ZBTB37: variants seen among roughly 807,000 people sequenced by gnomAD.
The protein encoded by ZBTB37 is zinc finger and BTB domain containing 37.
ZBTB37 carries 15 observed loss-of-function variants against 37.7 expected under a neutral mutation model. The ratio of observed to expected loss-of-function variants is 0.40; its 90% confidence interval spans 0.27 to 0.61. The LOEUF is 0.61. Among genes scored for constraint, ZBTB37 ranks in the 20% least tolerant of loss-of-function variants. ZBTB37 has a pLI of 0.44. For synonymous variants in ZBTB37, 231 were observed against 220.6 expected (o/e 1.05, Z -0.42); for missense variants, 514 against 641.9 (o/e 0.80, Z 2.15).
downstream of ZBTB37, chr1:173,889,763 T>A (rs1656771148): frequency 6.6e-6 from 1 of 152,238 alleles, no homozygotes; most frequent in Admixed American, 6.5e-5. Flanking sequence ...CATGCCATTT[T>A]TATTATAATA....
At chr1:173,873,533 G>A in exon 4 of ZBTB37, 1 of 1,614,046 alleles carries the variant, frequency 6.2e-7, no homozygotes, top group South Asian at 1.1e-5. Flanking sequence ...AGTCTCCTGG[G>A]AGAATGGATG....
At chr1:173,871,127 C>T in exon 3 of ZBTB37, 1 of 1,606,694 alleles carries the variant, frequency 6.2e-7, no homozygotes, top group East Asian at 2.2e-5. Context: ...GTGGCTCGGC[C>T]AACAAGCAGT....
intron 4 of ZBTB37, among the ~76,000 whole-genome samples, chr1:173,881,635 A>G (rs539526051): frequency 0.011 from 1,616 of 152,258 alleles, 39 homozygotes; most frequent in African/African-American, 0.037. Flanking sequence ...TGACTTTTCA[A>G]TGATCGCCAT....
intron 4 of ZBTB37, among the ~76,000 whole-genome samples, chr1:173,875,116 ATGTGTGTG>A (rs71111072): frequency 0.12 from 16,695 of 137,026 alleles, 1,098 homozygotes; most frequent in East Asian, 0.27. Flanking sequence ...TCTGATTATT[ATGTGTGTG>A]TGTGTGTGTG....
intron 4 of ZBTB37, 103 bp from the exon 5 acceptor site, chr1:173,885,533 G>C: frequency 1.0e-6 from 1 of 978,748 alleles, no homozygotes; most frequent in Non-Finnish European, 1.5e-6. Context: ...CCACTAAAAA[G>C]GTACATATAT....
chr1:173,868,384 C>A (rs1655150879), exon 1 of ZBTB37: 1 of 153,284 alleles, frequency 6.5e-6, no homozygotes, highest in African/African-American at 2.4e-5. Context: ...CGGCCCATTC[C>A]GGCCCATTTC....
chr1:173,871,725 C>A (rs1655577920), intron 3 of ZBTB37, among the ~76,000 whole-genome samples: 1 of 152,162 alleles, frequency 6.6e-6, no homozygotes, highest in African/African-American at 2.4e-5. Flanking sequence ...TGTTTTCTTT[C>A]ATGGATGACT....
intron 4 of ZBTB37, among the ~76,000 whole-genome samples, chr1:173,879,405 G>A (rs1048384406): frequency 6.6e-6 from 1 of 152,012 alleles, no homozygotes; most frequent in Non-Finnish European, 1.5e-5. Context: ...GTTTTCTTTT[G>A]GGGGTCGATG....
intron 4 of ZBTB37, among the ~76,000 whole-genome samples, chr1:173,884,677 G>C (rs997105511): frequency 2.1e-5 from 3 of 145,446 alleles, no homozygotes; most frequent in African/African-American, 8.0e-5. Flanking sequence ...TATAAAGCTA[G>C]CTACTGCTAG....
intron 4 of ZBTB37, among the ~76,000 whole-genome samples, chr1:173,878,056 C>T (rs867920402): frequency 6.6e-6 from 1 of 152,348 alleles, no homozygotes; most frequent in East Asian, 1.9e-4. Flanking sequence ...CAGATAGACT[C>T]TCCCTGTGTC....
exon 3 of ZBTB37, chr1:173,870,406 A>G (rs1655465316): frequency 1.2e-6 from 2 of 1,614,232 alleles, no homozygotes; most frequent in East Asian, 2.2e-5. Flanking sequence ...CCGGGATCAC[A>G]TGTCCTTGAA....
exon 4 of ZBTB37, chr1:173,898,858 T>C (rs1419913043): frequency 6.6e-6 from 1 of 152,228 alleles, no homozygotes; most frequent in Non-Finnish European, 1.5e-5. Context: ...CTAGAATGCT[T>C]TCTACTTGTG....
At chr1:173,895,534 T>C (rs926106272) in exon 4 of ZBTB37, 1 of 152,222 alleles carries the variant, frequency 6.6e-6, no homozygotes, top group African/African-American at 2.4e-5. Flanking sequence ...GGAGTTTCTA[T>C]TGGGTGGCTA....
chr1:173,901,423 A>ATTTTTTTTTTTTT (rs1657253679), exon 4 of ZBTB37: 1 of 86,716 alleles, frequency 1.2e-5, no homozygotes, highest in Non-Finnish European at 2.0e-5. Context: ...TTTTTTTTTG[A>ATTTTTTTTTTTTT]GACAGGGTCT....
chr1:173,871,997 C>T (rs1001507038), intron 3 of ZBTB37, among the ~76,000 whole-genome samples: 2 of 152,214 alleles, frequency 1.3e-5, no homozygotes, highest in Admixed American at 1.3e-4. Flanking sequence ...TTACTTTGGT[C>T]TTGAGAAACA....
chr1:173,894,156 G>C (rs1381177581), exon 4 of ZBTB37: 1 of 152,234 alleles, frequency 6.6e-6, no homozygotes, highest in African/African-American at 2.4e-5. Flanking sequence ...ATTCAAGGGA[G>C]TCACCCGTGT....
intron 4 of ZBTB37, 37 bp downstream of exon 4, chr1:173,873,603 G>C: frequency 6.2e-7 from 1 of 1,612,662 alleles, no homozygotes; most frequent in Non-Finnish European, 8.5e-7. Context: ...TTTGGTGGTT[G>C]GAGGAATTGC....
chr1:173,877,339 T>C (rs1208017877), intron 4 of ZBTB37, among the ~76,000 whole-genome samples: 1 of 151,246 alleles, frequency 6.6e-6, no homozygotes, highest in African/African-American at 2.4e-5. Context: ...GAAATCAGTG[T>C]CCACTTAAGG....
At chr1:173,883,915 T>A (rs1656474101) in intron 4 of ZBTB37, among the ~76,000 whole-genome samples, 1 of 152,208 alleles carries the variant, frequency 6.6e-6, no homozygotes, top group African/African-American at 2.4e-5. Context: ...TATTAATTGC[T>A]AACTAGATGA....
Sources: gnomAD v4.1 joint callset for allele counts (sites outside exome capture counted in the v4.1 genomes callset) on GRCh38, gnomAD v4.1.1 for gene constraint, MANE v1.5 for transcripts, NCBI Gene and HGNC (gene_info 2026-07-23, HGNC 2026-07-21) for gene names.